OPCML: variants seen among roughly 807,000 people sequenced by gnomAD.
The protein encoded by OPCML is opioid-binding protein/cell adhesion molecule.
OPCML carries 13 observed loss-of-function variants against 37.8 expected under a neutral mutation model. The observed-to-expected ratio is 0.34, with a 90% CI of 0.22 to 0.55. OPCML has a LOEUF of 0.55. OPCML is among the 20% of genes least tolerant of loss of function. The pLI is 0.91. For synonymous variants in OPCML, 176 were observed against 168.8 expected, an observed-to-expected ratio of 1.04 and a Z score of -0.33; for missense variants, 341 against 435.6, an observed-to-expected ratio of 0.78 and a Z score of 1.93.
At chr11:133,199,547 G>A (rs1370251009) in intron 1 of OPCML, among the ~76,000 whole-genome samples, 1 of 152,130 alleles carries the variant, frequency 6.6e-6, no homozygotes, top group Non-Finnish European at 1.5e-5. Flanking sequence ...CTTGCAAAAG[G>A]ACTGAGGGGA....
At chr11:132,655,197 C>CT (rs537812780) in intron 3 of OPCML, among the ~76,000 whole-genome samples, 599 of 152,302 alleles carry the variant, frequency 3.9e-3, no homozygotes, top group African/African-American at 0.014. Flanking sequence ...CCTGACAGTT[C>CT]TTTTTTATTT....
intron 4 of OPCML, among the ~76,000 whole-genome samples, chr11:132,496,804 A>G (rs1174819024): frequency 6.6e-6 from 1 of 152,236 alleles, no homozygotes; most frequent in Non-Finnish European, 1.5e-5. Flanking sequence ...TCTCAGATAG[A>G]TATAGAAAAT....
intron 1 of OPCML, among the ~76,000 whole-genome samples, chr11:133,126,963 G>A (rs1384222841): frequency 6.6e-6 from 1 of 152,200 alleles, no homozygotes; most frequent in Non-Finnish European, 1.5e-5. Context: ...GCAGAGAAGT[G>A]GTGGGATGGT....
chr11:132,920,471 T>C (rs1219654069), intron 2 of OPCML, among the ~76,000 whole-genome samples: 3 of 152,082 alleles, frequency 2.0e-5, no homozygotes, highest in Admixed American at 6.5e-5. Context: ...GCTACATCAG[T>C]TAAAAGGACA....
intron 1 of OPCML, among the ~76,000 whole-genome samples, chr11:133,394,272 A>G (rs562086481): frequency 6.6e-6 from 1 of 152,110 alleles, no homozygotes; most frequent in Non-Finnish European, 1.5e-5. Context: ...TTAATTTTTA[A>G]TTTTTAACTT....
At chr11:132,590,426 G>A (rs961635119) in intron 3 of OPCML, among the ~76,000 whole-genome samples, 2 of 152,152 alleles carry the variant, frequency 1.3e-5, no homozygotes, top group Non-Finnish European at 2.9e-5. Context: ...GTCTGAAGCA[G>A]ATCATTTAAT....
At chr11:132,449,952 C>A (rs929728130) in intron 4 of OPCML, among the ~76,000 whole-genome samples, 3 of 152,120 alleles carry the variant, frequency 2.0e-5, no homozygotes, top group Non-Finnish European at 4.4e-5. Flanking sequence ...GATTTGGGCT[C>A]GGAGCTTCTA....
intron 4 of OPCML, among the ~76,000 whole-genome samples, chr11:132,514,794 AG>A (rs2096276232): frequency 1.3e-5 from 2 of 152,064 alleles, no homozygotes; most frequent in African/African-American, 4.8e-5. Flanking sequence ...GGGGAGAGAA[AG>A]AGGAGTGGGT....
At position 133,174,203 on chromosome 11, in the gene OPCML, C is replaced by A. The variant is rs1248337377; in HGVS notation, c.62-231193G>T. Among the ~76,000 whole-genome samples the A allele has an allele frequency of 2.0e-5, 3 of 152,158 alleles. No homozygotes were observed. Among genetic ancestry groups the A allele is most frequent in the African/African-American group, 7.2e-5 (3 of 41,434 alleles). On this transcript the variant is annotated intron_variant, in intron 1 of 7. Coordinates refer to ENST00000524381, the MANE Select transcript of OPCML (RefSeq NM_001012393.5). The surrounding 1 kb of genome is among the most constrained non-coding windows in gnomAD (Gnocchi z 4.6). ...AAAGAAATGCTTCCCTCCCCTACCA[C>A]GACAGGAAGAAGGAAATGGAGCTCC... is the stretch of plus-strand genomic sequence containing the variant.
intron 1 of OPCML, among the ~76,000 whole-genome samples, chr11:132,967,710 ATAAT>A (rs1414639450): frequency 6.6e-6 from 1 of 152,192 alleles, no homozygotes; most frequent in African/African-American, 2.4e-5. Flanking sequence ...TTATAATCGC[ATAAT>A]TACTTTTATC....
chr11:132,840,343 C>T (rs1273725678), intron 2 of OPCML, among the ~76,000 whole-genome samples: 1 of 152,192 alleles, frequency 6.6e-6, no homozygotes, highest in Non-Finnish European at 1.5e-5. Context: ...AGCCCTGTGT[C>T]CGAATTCCCA....
In OPCML at chr11:132,670,111, C is replaced by G. The variant is rs951886303; in HGVS notation, c.147-12792G>C. ...AATTAAAATGTTTCCCAAGCACACA[C>G]CATTTTAATTCCATTCAATAGATTA... On this transcript the variant is annotated intron_variant, in intron 2 of 7. Coordinates refer to ENST00000524381, the MANE Select transcript of OPCML (RefSeq NM_001012393.5). 6.6e-5 allele frequency among the ~76,000 whole-genome samples: 10 copies of G among 152,312 alleles called. 2 individuals carry two copies. In the South Asian group the frequency reaches 2.1e-3, roughly 32 times the overall value.
intron 1 of OPCML, among the ~76,000 whole-genome samples, chr11:132,990,580 G>C (rs907638178): frequency 1.2e-4 from 18 of 152,308 alleles, no homozygotes; most frequent in African/African-American, 4.3e-4. Context: ...CTAGAAATGA[G>C]AATTGCGGTC....
chr11:133,085,140 C>T (rs1356711838), intron 1 of OPCML, among the ~76,000 whole-genome samples: 1 of 152,156 alleles, frequency 6.6e-6, no homozygotes, highest in Non-Finnish European at 1.5e-5. Flanking sequence ...CATGCCTTTG[C>T]CTGGAAAAAT....
intron 1 of OPCML, among the ~76,000 whole-genome samples, chr11:133,470,810 G>A (rs532707148): frequency 6.6e-6 from 1 of 152,318 alleles, no homozygotes; most frequent in Non-Finnish European, 1.5e-5. Context: ...CCTTGCTCAG[G>A]ACAAGCCATG....
At chr11:133,116,554 G>A (rs1179654671) in intron 1 of OPCML, among the ~76,000 whole-genome samples, 1 of 152,054 alleles carries the variant, frequency 6.6e-6, no homozygotes, top group Non-Finnish European at 1.5e-5. Flanking sequence ...CTTAATTTAG[G>A]TATGCTGGAT....
At chr11:132,900,321 T>C (rs1268528598) in intron 2 of OPCML, among the ~76,000 whole-genome samples, 1 of 152,168 alleles carries the variant, frequency 6.6e-6, no homozygotes, top group Non-Finnish European at 1.5e-5. Flanking sequence ...TCCTCTGATA[T>C]GCAGTCTATC....
rs937340848 is a variant in OPCML at position 133,377,172 on chromosome 11, G to A, written c.61+155092C>T. 2.0e-5 allele frequency among the ~76,000 whole-genome samples: 3 copies of A among 152,160 alleles called. No individual in the cohort carries two copies. In the East Asian group the frequency reaches 5.8e-4, roughly 29 times the overall value. On this transcript the variant is annotated intron_variant, in intron 1 of 7. Transcript: ENST00000524381. ...GGTTGACGTGCTGCCTGAGGGCACA[G>A]GGGGTGAGATTTGGGTAGAGAACAA...
chr11:133,116,849 C>A (rs1395762974), intron 1 of OPCML, among the ~76,000 whole-genome samples: 2 of 138,786 alleles, frequency 1.4e-5, no homozygotes, highest in Admixed American at 1.4e-4. Context: ...AGACATTCAT[C>A]CAATAGTTTT....
Sources: allele counts gnomAD v4.1 joint callset (sites outside exome capture counted in the v4.1 genomes callset), GRCh38; gene constraint gnomAD v4.1.1; non-coding constraint Gnocchi (gnomAD v3.1); transcripts MANE v1.5; gene names NCBI Gene and HGNC (gene_info 2026-07-23, HGNC 2026-07-21).